PLCB1: variants seen among roughly 807,000 people sequenced by gnomAD.
PLCB1 encodes the protein 1-phosphatidylinositol 4,5-bisphosphate phosphodiesterase beta-1.
In PLCB1, 46 loss-of-function variants were observed where a neutral mutation model predicts 161.8. That is an observed-to-expected ratio of 0.28 (90% CI 0.22 to 0.36). The LOEUF (loss-of-function observed/expected upper bound fraction) is 0.36, where lower values mean the gene tolerates loss of function less well. Among genes scored for constraint, PLCB1 ranks in the 10% least tolerant of loss-of-function variants. PLCB1 has a pLI of 1.00. For missense variants in PLCB1, 1,016 were observed against 1,472.5 expected, an observed-to-expected ratio of 0.69 and a Z score of 5.07; for synonymous variants, 517 against 503.7, an observed-to-expected ratio of 1.03 and a Z score of -0.35.
chr20:8,569,864 G>A (rs985587774), intron 3 of PLCB1, among the ~76,000 whole-genome samples: 3 of 152,158 alleles, frequency 2.0e-5, no homozygotes, highest in Non-Finnish European at 4.4e-5. Flanking sequence ...TACTACCAGT[G>A]TCAATTACAA....
intron 31 of PLCB1, among the ~76,000 whole-genome samples, chr20:8,844,539 C>T (rs1986619891): frequency 6.6e-6 from 1 of 151,946 alleles, no homozygotes. Context: ...ATGATTAGGC[C>T]ACTGCACTCC....
intron 2 of PLCB1, among the ~76,000 whole-genome samples, chr20:8,187,974 T>A (rs1338918146): frequency 1.3e-5 from 2 of 152,108 alleles, no homozygotes; most frequent in Non-Finnish European, 2.9e-5. Context: ...CCACAGAATC[T>A]CTGTGGCATG....
intron 14 of PLCB1, among the ~76,000 whole-genome samples, chr20:8,720,288 A>G (rs1979554504): frequency 6.6e-6 from 1 of 152,230 alleles, no homozygotes; most frequent in Non-Finnish European, 1.5e-5. Context: ...ACAGGCAGTG[A>G]ACATTATTGC....
At chr20:8,145,502 C>T (rs1298343184) in intron 1 of PLCB1, among the ~76,000 whole-genome samples, 2 of 152,200 alleles carry the variant, frequency 1.3e-5, no homozygotes, top group Non-Finnish European at 2.9e-5. Flanking sequence ...AGCAACATGA[C>T]AGCTCTAGTT....
At chr20:8,324,330 C>T (rs1318824561) in intron 2 of PLCB1, among the ~76,000 whole-genome samples, 1 of 151,864 alleles carries the variant, frequency 6.6e-6, no homozygotes, top group Non-Finnish European at 1.5e-5. Flanking sequence ...TTGATATTTT[C>T]CGTAAGAGTC....
At chr20:8,306,396 C>G (rs1348629881) in intron 2 of PLCB1, 12 of 152,206 alleles carry the variant, frequency 7.9e-5, no homozygotes, top group Admixed American at 7.9e-4. Flanking sequence ...TCATGTCAAA[C>G]TAGAATCTTC....
chr20:8,629,877 C>CTTTCTG (rs1159340046), intron 4 of PLCB1, among the ~76,000 whole-genome samples: 1 of 64,374 alleles, frequency 1.6e-5, no homozygotes, highest in African/African-American at 5.9e-5. Context: ...TTCTTTCTTT[C>CTTTCTG]TCTCTCTCTT....
At chr20:8,235,533 A>G (rs1219738365) in intron 2 of PLCB1, among the ~76,000 whole-genome samples, 1 of 152,158 alleles carries the variant, frequency 6.6e-6, no homozygotes, top group Non-Finnish European at 1.5e-5. Context: ...GTAAGATGCT[A>G]TCACAAACCA....
At chr20:8,633,688 G>A (rs1462652314) in intron 4 of PLCB1, among the ~76,000 whole-genome samples, 1 of 152,004 alleles carries the variant, frequency 6.6e-6, no homozygotes, top group Non-Finnish European at 1.5e-5. Context: ...ACAGAAAAGT[G>A]CACAGTTTCT....
chr20:8,576,984 A>C (rs1986690231), intron 3 of PLCB1, among the ~76,000 whole-genome samples: 1 of 152,142 alleles, frequency 6.6e-6, no homozygotes, highest in Admixed American at 6.5e-5. Context: ...GCTGACCTTA[A>C]TCCTGTAGAG....
At chr20:8,472,643 A>G (rs574028149) in intron 3 of PLCB1, among the ~76,000 whole-genome samples, 2 of 152,176 alleles carry the variant, frequency 1.3e-5, no homozygotes, top group Admixed American at 1.3e-4. Flanking sequence ...TAGGAGTTCA[A>G]GGCCAACCTG....
At chr20:8,632,034 G>GTTTTTTTTTT (rs750797408) in intron 4 of PLCB1, among the ~76,000 whole-genome samples, 6 of 81,760 alleles carry the variant, frequency 7.3e-5, no homozygotes, top group African/African-American at 1.6e-4. Context: ...GGTTTTTTTT[G>GTTTTTTTTTT]CTTTTTTTTT....
In PLCB1 at chr20:8,270,501, TG is replaced by T. The variant is rs1600276973; in HGVS notation, c.178-100877del. ...AAGACTGTTGATACTGGACAAGGTT[TG>T]GGGAATTTTGGACAGAGATTTTCAT... On this transcript the variant is annotated intron_variant, in intron 2 of 31. Transcript: ENST00000338037. 2.0e-5 allele frequency among the ~76,000 whole-genome samples: 3 copies of T among 152,266 alleles called. No individual in the cohort carries two copies. In the East Asian group the frequency reaches 5.8e-4, roughly 29 times the overall value.
At chr20:8,189,418 G>A (rs966008930) in intron 2 of PLCB1, among the ~76,000 whole-genome samples, 1 of 151,318 alleles carries the variant, frequency 6.6e-6, no homozygotes, top group Non-Finnish European at 1.5e-5. Context: ...TGAACATGAT[G>A]TAGGGTTTCC....
chr20:8,340,549 C>T (rs903659349), intron 2 of PLCB1, among the ~76,000 whole-genome samples: 2 of 151,834 alleles, frequency 1.3e-5, no homozygotes, highest in Admixed American at 6.6e-5. Flanking sequence ...CAGCCTCCCG[C>T]GTAGCTGGGA....
intron 2 of PLCB1, among the ~76,000 whole-genome samples, chr20:8,208,242 G>A (rs183017717): frequency 2.0e-5 from 3 of 152,132 alleles, no homozygotes; most frequent in Non-Finnish European, 4.4e-5. Context: ...GAAATTCTTG[G>A]GCTGTTGGAT....
chr20:8,589,019 C>T (rs1033256341), intron 3 of PLCB1, among the ~76,000 whole-genome samples: 2 of 152,114 alleles, frequency 1.3e-5, no homozygotes, highest in Non-Finnish European at 2.9e-5. Context: ...GGGTGTCCGA[C>T]ATCATGGTAA....
At chr20:8,563,236 A>T (rs905577147) in intron 3 of PLCB1, among the ~76,000 whole-genome samples, 9 of 152,080 alleles carry the variant, frequency 5.9e-5, no homozygotes, top group Admixed American at 1.3e-4. Flanking sequence ...TTGATTTTTT[A>T]AAAATGATGT....
chr20:8,661,867 GC>G (rs1989632977), intron 9 of PLCB1, among the ~76,000 whole-genome samples: 1 of 141,990 alleles, frequency 7.0e-6, no homozygotes, highest in African/African-American at 2.6e-5. Context: ...TCAGTGAAAG[GC>G]AAGAGGCTAC....
Sources: allele counts gnomAD v4.1 joint callset (sites outside exome capture counted in the v4.1 genomes callset), GRCh38; gene constraint gnomAD v4.1.1; transcripts MANE v1.5; gene names NCBI Gene and HGNC (gene_info 2026-07-23, HGNC 2026-07-21).